The following SORCS2 variants were observed in gnomAD, a reference collection of about 807,000 sequenced individuals.
SORCS2 encodes the protein sortilin related VPS10 domain containing receptor 2, also known as VPS10 domain-containing receptor SorCS2.
In SORCS2, 100 loss-of-function variants were observed where a neutral mutation model predicts 141.6. The observed-to-expected ratio is 0.71, with a 90% CI of 0.60 to 0.83. The LOEUF (loss-of-function observed/expected upper bound fraction) is 0.83. SORCS2 is among the 40% of genes least tolerant of loss of function. The probability of loss-of-function intolerance (pLI) is 0.00; values close to 1 mark genes in which losing one functional copy is unlikely to be tolerated. For synonymous variants in SORCS2, 789 were observed against 676.9 expected, an observed-to-expected ratio of 1.17 and a Z score of -2.57; for missense variants, 1,646 against 1,560.2, an observed-to-expected ratio of 1.05 and a Z score of -0.93.
chr4:7,308,417 G>C (rs1311099080), intron 1 of SORCS2, among the ~76,000 whole-genome samples: 1 of 152,142 alleles, frequency 6.6e-6, no homozygotes, highest in Non-Finnish European at 1.5e-5. Flanking sequence ...TGTTTGGGGT[G>C]GGGGTAGATG....
chr4:7,570,583 A>G (rs1715322809), intron 3 of SORCS2, among the ~76,000 whole-genome samples: 1 of 152,204 alleles, frequency 6.6e-6, no homozygotes, highest in African/African-American at 2.4e-5. Context: ...GCCACCCTGC[A>G]TAGAGGGCGG....
chr4:7,540,661 C>T (rs558667259), intron 3 of SORCS2, among the ~76,000 whole-genome samples: 1 of 152,334 alleles, frequency 6.6e-6, no homozygotes, highest in African/African-American at 2.4e-5. Flanking sequence ...TCACCCGCTC[C>T]CCGGCCCACA....
chr4:7,314,328 TTTTATTTTTTTTA>T (rs1170024597), intron 1 of SORCS2, among the ~76,000 whole-genome samples: 5 of 72,524 alleles, frequency 6.9e-5, no homozygotes, highest in Non-Finnish European at 1.7e-4. Flanking sequence ...ATGGCCTTTT[TTTTATTTTTTTTA>T]TTTTTTTTTA....
chr4:7,724,248 CGTT>C (rs1185215428), intron 19 of SORCS2, among the ~76,000 whole-genome samples: 14 of 128,172 alleles, frequency 1.1e-4, no homozygotes, highest in South Asian at 1.0e-3. Flanking sequence ...ATGATGGTGA[CGTT>C]GGTGTTGGTG....
intron 3 of SORCS2, among the ~76,000 whole-genome samples, chr4:7,543,325 A>G (rs994003501): frequency 2.0e-5 from 3 of 152,098 alleles, no homozygotes; most frequent in African/African-American, 7.2e-5. Flanking sequence ...CCACTAATTC[A>G]TTCATTCATC....
intron 9 of SORCS2, 37 bp from the exon 10 acceptor site, chr4:7,682,706 G>A (rs986624711): frequency 1.3e-6 from 2 of 1,581,158 alleles, no homozygotes; most frequent in Non-Finnish European, 1.7e-6. Context: ...GAGTGCTCCA[G>A]TGTAAGTTTA....
At chr4:7,722,696 C>A (rs939839869) in intron 18 of SORCS2, among the ~76,000 whole-genome samples, 1 of 152,212 alleles carries the variant, frequency 6.6e-6, no homozygotes, top group Non-Finnish European at 1.5e-5. Flanking sequence ...CTGTAAAGAC[C>A]CTATTTCCAA....
chr4:7,675,992 C>T, intron 8 of SORCS2, 58 bp from the exon 9 acceptor site: 1 of 1,533,744 alleles, frequency 6.5e-7, no homozygotes, highest in Non-Finnish European at 8.8e-7. Context: ...CTGCTTCTTC[C>T]TCCCTCGTGC....
At position 7,352,798 on chromosome 4, in the gene SORCS2, A is replaced by G. The variant is rs548385974; in HGVS notation, c.481-43490A>G. 4.3e-4 allele frequency among the ~76,000 whole-genome samples: 66 copies of G among 152,230 alleles called. 2 individuals carry two copies. In the South Asian group the frequency reaches 0.014, roughly 31 times the overall value. On this transcript the variant is annotated intron_variant, in intron 1 of 26. Transcript: ENST00000507866. ...GGCTGCATGTCTTTATGGGCCAGGGACTGTGTGTTTCAGAAAGAAAACTTT... is the reference window on the plus strand; with the variant it reads ...GGCTGCATGTCTTTATGGGCCAGGGGCTGTGTGTTTCAGAAAGAAAACTTT...
chr4:7,463,112 C>T (rs1249803861), intron 2 of SORCS2, among the ~76,000 whole-genome samples: 1 of 152,104 alleles, frequency 6.6e-6, no homozygotes, highest in East Asian at 1.9e-4. Flanking sequence ...AACTGAGTCA[C>T]TGTCTAGAGC....
intron 1 of SORCS2, among the ~76,000 whole-genome samples, chr4:7,205,768 C>T (rs1043028540): frequency 6.6e-6 from 1 of 152,326 alleles, no homozygotes; most frequent in East Asian, 1.9e-4. Flanking sequence ...TGAGGCCGGA[C>T]GCGGTGGCTC....
chr4:7,279,030 G>A (rs1381857234), intron 1 of SORCS2, among the ~76,000 whole-genome samples: 1 of 152,108 alleles, frequency 6.6e-6, no homozygotes, highest in African/African-American at 2.4e-5. Context: ...CCCTGCAAAC[G>A]AATACCCCAC....
chr4:7,558,757 C>T (rs764613073), intron 3 of SORCS2, among the ~76,000 whole-genome samples: 3 of 152,148 alleles, frequency 2.0e-5, no homozygotes, highest in Non-Finnish European at 4.4e-5. Flanking sequence ...CCCAGGAGGC[C>T]AACTCATACA....
intron 1 of SORCS2, among the ~76,000 whole-genome samples, chr4:7,373,480 T>TATAA (rs57386577): frequency 0.053 from 646 of 12,298 alleles, 50 homozygotes; most frequent in African/African-American, 0.13. Context: ...ATATATATAT[T>TATAA]TTTTTTTTTT....
At chr4:7,508,235 T>C (rs4591606) in intron 2 of SORCS2, among the ~76,000 whole-genome samples, 86,965 of 127,724 alleles carry the variant, frequency 0.68, 28,733 homozygotes, top group East Asian at 0.99. Context: ...TGAGGAGGGA[T>C]GAAGGTCAGG....
chr4:7,334,219 C>T (rs1577411564), intron 1 of SORCS2, among the ~76,000 whole-genome samples: 1 of 152,272 alleles, frequency 6.6e-6, no homozygotes, highest in South Asian at 2.1e-4. Context: ...CAGTGAGGCT[C>T]TCCCCAAACT....
intron 3 of SORCS2, among the ~76,000 whole-genome samples, chr4:7,580,634 T>A (rs1716081411): frequency 6.6e-6 from 1 of 152,156 alleles, no homozygotes; most frequent in South Asian, 2.1e-4. Context: ...CCAAAAACAG[T>A]GTTTCACATC....
At chr4:7,612,893 T>TGGGAGGGGAACAAGAAGAAGGGTGGG (rs149108631) in intron 3 of SORCS2, among the ~76,000 whole-genome samples, 1 of 147,508 alleles carries the variant, frequency 6.8e-6, no homozygotes, top group Non-Finnish European at 1.5e-5. Flanking sequence ...TGGGAGGAGA[T>TGGGAGGGGAACAAGAAGAAGGGTGGG]GGGAGGGGAA....
At chr4:7,572,195 G>A (rs1427538145) in intron 3 of SORCS2, among the ~76,000 whole-genome samples, 1 of 152,184 alleles carries the variant, frequency 6.6e-6, no homozygotes. Context: ...CAATAGCACA[G>A]GGCGTCCAAA....
Sources: gnomAD v4.1 joint callset for allele counts (sites outside exome capture counted in the v4.1 genomes callset) on GRCh38, gnomAD v4.1.1 for gene constraint, MANE v1.5 for transcripts, NCBI Gene and HGNC (gene_info 2026-07-23, HGNC 2026-07-21) for gene names.